FMNL3: variants seen among roughly 807,000 people sequenced by gnomAD.
FMNL3 encodes formin-like protein 3.
FMNL3 carries 57 observed loss-of-function variants against 119.6 expected under a neutral mutation model. That is an observed-to-expected ratio of 0.48 (90% CI 0.39 to 0.59). FMNL3 has a LOEUF of 0.59. Ranked by LOEUF, FMNL3 falls within the 20% of genes least tolerant of loss-of-function variation. FMNL3 has a pLI of 0.00. For missense variants in FMNL3, 1,053 were observed against 1,323.5 expected, an observed-to-expected ratio of 0.80 and a Z score of 3.17; for synonymous variants, 491 against 507.3, an observed-to-expected ratio of 0.97 and a Z score of 0.43.
intron 1 of FMNL3, among the ~76,000 whole-genome samples, chr12:49,695,818 A>ATT (rs112373407): frequency 0.018 from 2,590 of 147,612 alleles, 46 homozygotes; most frequent in African/African-American, 0.043. Flanking sequence ...GGTACAGGTC[A>ATT]TTTTTTTTTT....
At position 49,643,995 on chromosome 12, in the gene FMNL3, G is replaced by C; in HGVS notation, c.*1820C>G. ...ACCGTTCCCCAGGCTTTGGAATCAA[G>C]AAGGAGAAGGTGAGGGGCAGGGGCC... On this transcript the variant is annotated 3_prime_UTR_variant, in exon 26 of 26. Transcript: ENST00000335154. 6.2e-7 allele frequency: 1 copy of C among 1,614,124 alleles called. No homozygotes were observed. Among genetic ancestry groups the C allele is most frequent in the Non-Finnish European group, 8.5e-7 (1 of 1,179,966 alleles).
intron 10 of FMNL3, 127 bp downstream of exon 10, chr12:49,654,783 T>C: frequency 1.1e-6 from 1 of 901,064 alleles, no homozygotes. Flanking sequence ...CAAGAAGCAT[T>C]TGCTGAATAG....
chr12:49,702,116 C>A (rs981473363), intron 1 of FMNL3, among the ~76,000 whole-genome samples: 1 of 151,486 alleles, frequency 6.6e-6, no homozygotes, highest in Non-Finnish European at 1.5e-5. Flanking sequence ...CCAATGTGGG[C>A]AACAAAGCAA....
intron 1 of FMNL3, among the ~76,000 whole-genome samples, chr12:49,676,052 T>C (rs1023814719): frequency 2.0e-5 from 3 of 152,188 alleles, no homozygotes; most frequent in African/African-American, 7.2e-5. Context: ...TAAAATCCAG[T>C]AGCTCTATGA....
Position 49,652,127 on chromosome 12 carries a change from T to A in FMNL3, c.1409A>T (p.His470Leu). Reference sequence around the variant, plus strand: ...CAGGCCCCGGACATTTGGCTCCAAATGACATCGACGCTGAAAGGCCTCCTC... The same window carrying A: ...CAGGCCCCGGACATTTGGCTCCAAAAGACATCGACGCTGAAAGGCCTCCTC... ...EKEEAFQRRC[H>L]LEPNVRGLES... Residue 470 changes from histidine (H) to leucine (L), a missense_variant, in exon 14 of 26, where the codon CAT (histidine) becomes CTT (leucine). Physicochemically the swap from His to Leu is moderately conservative, Grantham distance 99. Coordinates refer to ENST00000335154, the MANE Select transcript of FMNL3 (RefSeq NM_175736.5). 1.2e-6 allele frequency: 2 copies of A among 1,613,274 alleles called. No individual in the cohort carries two copies. Among genetic ancestry groups the A allele is most frequent in the Non-Finnish European group, 1.7e-6 (2 of 1,179,712 alleles).
intron 10 of FMNL3, 148 bp downstream of exon 10, chr12:49,654,760 GTA>G (rs1165337985): frequency 8.2e-6 from 6 of 728,068 alleles, no homozygotes; most frequent in Non-Finnish European, 1.2e-5. Context: ...GCTCTCTGGG[GTA>G]GGCAGGTGGA....
chr12:49,652,237 G>A, intron 13 of FMNL3, 25 bp from the exon 14 acceptor site: 1 of 1,603,332 alleles, frequency 6.2e-7, no homozygotes, highest in Non-Finnish European at 8.5e-7. Flanking sequence ...GCACCATTAA[G>A]GGAAAAGTGG....
chr12:49,644,570 C>G lies in FMNL3; in HGVS notation c.*1245G>C. ...TAGCATCAGTGCCTGCTCCTGCCTG[C>G]CCTGGCCCTGAGGCTCCACCACTTC... On this transcript the variant is annotated 3_prime_UTR_variant, in exon 26 of 26. Transcript: ENST00000335154. 1 of 251,446 alleles carries G rather than the reference C, an allele frequency of 4.0e-6. No individual in the cohort carries two copies. Among genetic ancestry groups the G allele is most frequent in the Non-Finnish European group, 7.9e-6 (1 of 126,020 alleles). 15.6% of individuals were successfully genotyped at this position (251,446 alleles called of 1,614,324 possible).
In FMNL3 at chr12:49,649,185, C is replaced by T; in HGVS notation, c.2386-27G>A. 6.2e-7 allele frequency: 1 copy of T among 1,612,064 alleles called. No individual in the cohort carries two copies. Among genetic ancestry groups the T allele is most frequent in the Non-Finnish European group, 8.5e-7 (1 of 1,178,934 alleles). On this transcript the variant is annotated intron_variant, in intron 20 of 25. Transcript: ENST00000335154. This position sits in a 1 kb window ranked among gnomAD's most constrained non-coding sequence, Gnocchi z 5.6. The stretch of plus-strand genomic sequence containing the variant: ...TAGGAGAGGGGGTGAGGGCGGTGCA[C>T]AAGAGCTAAGCACTCTGGCTCCACA...
rs761443602 is a variant in FMNL3, at chr12:49,647,267, C to G, written c.2871+9G>C. On this transcript the variant is annotated intron_variant, in intron 24 of 25. Transcript: ENST00000335154. This position sits in a 1 kb window ranked among gnomAD's most constrained non-coding sequence, Gnocchi z 4.9. The stretch of plus-strand genomic sequence containing the variant: ...CGTCCTCCAGGCCCCAGCTCTTGGT[C>G]CCACCCACCTTGGCATCCAGTTTCT... 1 of 1,613,940 alleles carries G rather than the reference C, an allele frequency of 6.2e-7. No homozygotes were observed. The highest frequency in any genetic ancestry group is 1.7e-5 in the Admixed American group (1 of 60,024).
chr12:49,651,241 T>C lies in FMNL3; in HGVS notation c.1724A>G (p.Asn575Ser), dbSNP rs763738992. ...CTGGTTGGGTTTCAGTGCTGTCCAG[T>C]TGAAGACAGGCAGCCGGAACTTGGT... ...IKTKFRLPVFNWTALKPNQIS... is the reference protein window; with the variant it reads ...IKTKFRLPVFSWTALKPNQIS... The change falls in exon 16 of 26, where the codon AAC becomes AGC. Residue 575 changes from asparagine (N) to serine (S), a missense_variant. Coordinates refer to ENST00000335154, the MANE Select transcript of FMNL3 (RefSeq NM_175736.5). The C allele has an allele frequency of 3.1e-6, 5 of 1,613,330 alleles. No homozygotes were observed. Among genetic ancestry groups the C allele is most frequent in the South Asian group, 1.1e-5 (1 of 91,076 alleles).
chr12:49,654,931 C>G lies in FMNL3; in HGVS notation c.939G>C (p.Glu313Asp), dbSNP rs765306144. ...TCACCATGAAGTCAATATTGCTGTC[C>G]TCATTCCGGAAATACTCCATCAGCT... The part of the protein sequence containing the change: ...FEKLMEYFRN[E>D]DSNIDFMVAC... The change falls in exon 10 of 26, where the codon GAG (glutamate) becomes GAC (aspartate). Residue 313 changes from glutamate (E) to aspartate (D), a missense_variant. By Grantham distance (45) the Glu-to-Asp change is conservative. Coordinates refer to ENST00000335154, the MANE Select transcript of FMNL3 (RefSeq NM_175736.5). The G allele has an allele frequency of 6.2e-7, 1 of 1,614,008 alleles. No individual in the cohort carries two copies. The highest frequency in any genetic ancestry group is 1.7e-5 in the Admixed American group (1 of 59,998).
At chr12:49,659,965 T>A (rs1333329378) in intron 5 of FMNL3, 1 of 985,252 alleles carries the variant, frequency 1.0e-6, no homozygotes, top group African/African-American at 1.7e-5. Flanking sequence ...CTTTCTGGAA[T>A]AGGAAGGGAT....
chr12:49,687,190 T>A (rs1453179188), intron 1 of FMNL3, among the ~76,000 whole-genome samples: 2 of 150,898 alleles, frequency 1.3e-5, no homozygotes, highest in Non-Finnish European at 2.9e-5. Context: ...GCCTCCTGGG[T>A]TCAAGTGATT....
chr12:49,649,982 C>G lies in FMNL3; in HGVS notation c.2001-57G>C. 6.9e-7 allele frequency: 1 copy of G among 1,458,888 alleles called. No individual in the cohort carries two copies. Among genetic ancestry groups the G allele is most frequent in the Non-Finnish European group, 9.4e-7 (1 of 1,065,654 alleles). The allele number at this position is 1,458,888 out of a possible 1,614,324, so 90.4% of individuals were successfully genotyped here. On this transcript the variant is annotated intron_variant, in intron 17 of 25. Transcript: ENST00000335154. This position sits in a 1 kb window ranked among gnomAD's most constrained non-coding sequence, Gnocchi z 5.6. The stretch of plus-strand genomic sequence containing the variant: ...CACATCTCTCCACGTTTTCCCTCAT[C>G]CCTTTTATTCTCCAAGCTCCTAGAA...
chr12:49,704,824 G>C (rs953214140), intron 1 of FMNL3, among the ~76,000 whole-genome samples: 18 of 151,052 alleles, frequency 1.2e-4, no homozygotes, highest in Admixed American at 3.3e-4. Flanking sequence ...AATCTCACCA[G>C]AACAGGATTA....
At position 49,638,271 on chromosome 12, in the gene FMNL3, T is replaced by A. The variant is rs1001648496; in HGVS notation, c.*7544A>T. On this transcript the variant is annotated 3_prime_UTR_variant, in exon 26 of 26. Coordinates refer to ENST00000335154, the MANE Select transcript of FMNL3 (RefSeq NM_175736.5). ...GGCCTGTACAGTGTTCTGTAAAAATTTGGAATTTGTTGCTAACATTTTAAA... is the reference window on the plus strand; with the variant it reads ...GGCCTGTACAGTGTTCTGTAAAAATATGGAATTTGTTGCTAACATTTTAAA... The A allele has an allele frequency of 6.5e-6, 1 of 153,996 alleles. No homozygotes were observed. The highest frequency in any genetic ancestry group is 1.4e-5 in the Non-Finnish European group (1 of 69,352). 9.5% of individuals were successfully genotyped at this position (153,996 alleles called of 1,614,324 possible).
intron 21 of FMNL3, 143 bp downstream of exon 21, chr12:49,648,886 C>T (rs1193196323): frequency 7.7e-7 from 1 of 1,306,310 alleles, no homozygotes; most frequent in Non-Finnish European, 1.0e-6. Flanking sequence ...GCTTAAGGCT[C>T]CAGCGGAAAG....
Position 49,647,621 on chromosome 12 carries a change from G to T in FMNL3, c.2778+82C>A. The T allele has an allele frequency of 7.9e-7, 1 of 1,269,236 alleles. No individual in the cohort carries two copies. Among genetic ancestry groups the T allele is most frequent in the South Asian group, 1.3e-5 (1 of 79,626 alleles). The allele number at this position is 1,269,236 out of a possible 1,614,324, so 78.6% of individuals were successfully genotyped here. A position where few individuals can be genotyped will look rare whatever the true frequency, so the allele number is the denominator to read the frequency against. On this transcript the variant is annotated intron_variant, in intron 23 of 25. Transcript: ENST00000335154. The surrounding 1 kb of genome is among the most constrained non-coding windows in gnomAD (Gnocchi z 4.9). ...AGGACTCGGAGGAGGAGTCGGAAAA[G>T]GCCCATACTTTAAGCCCAGGCTTCT... is the stretch of plus-strand genomic sequence containing the variant.
Sources: allele counts gnomAD v4.1 joint callset (sites outside exome capture counted in the v4.1 genomes callset), GRCh38; gene constraint gnomAD v4.1.1; non-coding constraint Gnocchi (gnomAD v3.1); transcripts MANE v1.5; gene names NCBI Gene and HGNC (gene_info 2026-07-23, HGNC 2026-07-21).